The following TOP6BL variants were observed in gnomAD, a reference collection of about 807,000 sequenced individuals.
The protein encoded by TOP6BL is type 2 DNA topoisomerase 6 subunit B-like.
chr11:66,809,707 A>G, the TOP6BL span, among the ~76,000 whole-genome samples: 1 of 152,094 alleles, frequency 6.6e-6, no homozygotes, highest in East Asian at 1.9e-4. Flanking sequence ...AAATTCAGAG[A>G]AATAACTATT....
At chr11:66,830,901 A>G in the TOP6BL span, among the ~76,000 whole-genome samples, 1 of 152,212 alleles carries the variant, frequency 6.6e-6, no homozygotes, top group African/African-American at 2.4e-5. Context: ...CAATATATAA[A>G]GAACTCTTAA....
the TOP6BL span, among the ~76,000 whole-genome samples, chr11:66,839,829 T>C: frequency 6.6e-6 from 1 of 152,218 alleles, no homozygotes; most frequent in South Asian, 2.1e-4. Flanking sequence ...GTACCTTCTG[T>C]GGACCCTGGG....
the TOP6BL span, chr11:66,821,496 C>G: frequency 1.3e-6 from 1 of 753,572 alleles, no homozygotes; most frequent in Non-Finnish European, 2.0e-6. Context: ...ACCGTGGTCT[C>G]GATCTCCTGA....
At chr11:66,843,321 C>A in the TOP6BL span, 4 of 1,527,356 alleles carry the variant, frequency 2.6e-6, no homozygotes, top group Non-Finnish European at 3.5e-6. Context: ...CGCGCGCTCA[C>A]CAAGTCCTCT....
At chr11:66,793,450 T>TG in the TOP6BL span, among the ~76,000 whole-genome samples, 2 of 147,048 alleles carry the variant, frequency 1.4e-5, no homozygotes, top group East Asian at 3.9e-4. Flanking sequence ...TTTTGTTTTT[T>TG]TTTTTTTTTT....
At chr11:66,759,746 G>C in the TOP6BL span, among the ~76,000 whole-genome samples, 1 of 152,226 alleles carries the variant, frequency 6.6e-6, no homozygotes, top group Non-Finnish European at 1.5e-5. Flanking sequence ...GCCACACCCA[G>C]CTAATTTTTT....
chr11:66,755,932 T>C, the TOP6BL span, among the ~76,000 whole-genome samples: 1 of 152,228 alleles, frequency 6.6e-6, no homozygotes, highest in South Asian at 2.1e-4. Flanking sequence ...TAATCCAGTA[T>C]GACCTTGTCT....
chr11:66,825,691 T>C, the TOP6BL span, among the ~76,000 whole-genome samples: 4 of 152,146 alleles, frequency 2.6e-5, no homozygotes, highest in Non-Finnish European at 5.9e-5. Context: ...TCTATAGGAA[T>C]TTGGTATAGC....
the TOP6BL span, among the ~76,000 whole-genome samples, chr11:66,786,934 TTTG>T: frequency 7.1e-6 from 1 of 141,420 alleles, no homozygotes; most frequent in Non-Finnish European, 1.6e-5. Context: ...CAATTTTTGT[TTTG>T]TTTTTTTTTT....
At chr11:66,834,977 G>A in the TOP6BL span, among the ~76,000 whole-genome samples, 1 of 147,850 alleles carries the variant, frequency 6.8e-6, no homozygotes, top group Admixed American at 6.8e-5. Flanking sequence ...AGAATGAGCA[G>A]GAGTAGTATC....
the TOP6BL span, among the ~76,000 whole-genome samples, chr11:66,826,900 C>G: frequency 7.5e-5 from 11 of 147,580 alleles, no homozygotes; most frequent in South Asian, 4.3e-4. Context: ...TCAGGCTGGT[C>G]TCAAACTCCC....
chr11:66,788,781 A>G, the TOP6BL span, among the ~76,000 whole-genome samples: 3 of 152,196 alleles, frequency 2.0e-5, no homozygotes, highest in Non-Finnish European at 4.4e-5. Flanking sequence ...GCTATGTCGC[A>G]CAGTCTGGAG....
At chr11:66,816,473 C>T in the TOP6BL span, among the ~76,000 whole-genome samples, 1 of 152,170 alleles carries the variant, frequency 6.6e-6, no homozygotes, top group Non-Finnish European at 1.5e-5. Context: ...ACGTTAGCCG[C>T]ACAATATATT....
At chr11:66,800,898 T>G in the TOP6BL span, 1 of 1,065,226 alleles carries the variant, frequency 9.4e-7, no homozygotes, top group Non-Finnish European at 1.4e-6. Context: ...AGATTGCCAT[T>G]TTCCCCTTGG....
chr11:66,831,180 C>G, the TOP6BL span, among the ~76,000 whole-genome samples: 1 of 152,164 alleles, frequency 6.6e-6, no homozygotes, highest in Non-Finnish European at 1.5e-5. Flanking sequence ...GGTACAAGCA[C>G]TTCGGAGAAC....
chr11:66,752,722 C>T, the TOP6BL span, among the ~76,000 whole-genome samples: 6 of 152,002 alleles, frequency 3.9e-5, no homozygotes, highest in East Asian at 5.8e-4. Flanking sequence ...CAAAGTGCTG[C>T]GATTACAAGC....
At chr11:66,841,374 C>G in the TOP6BL span, among the ~76,000 whole-genome samples, 1 of 152,040 alleles carries the variant, frequency 6.6e-6, no homozygotes, top group Admixed American at 6.5e-5. Context: ...CCTCGGCCCC[C>G]CAAAGTGCTG....
chr11:66,787,707 A>G, the TOP6BL span, among the ~76,000 whole-genome samples: 1 of 151,024 alleles, frequency 6.6e-6, no homozygotes, highest in African/African-American at 2.4e-5. Context: ...GTGACAGAGT[A>G]AGACTCCGAC....
the TOP6BL span, among the ~76,000 whole-genome samples, chr11:66,751,170 C>G: frequency 6.6e-6 from 1 of 152,048 alleles, no homozygotes; most frequent in Non-Finnish European, 1.5e-5. Flanking sequence ...CATGTGCTAC[C>G]ATGCCTGACT....
Sources: allele counts gnomAD v4.1 joint callset (sites outside exome capture counted in the v4.1 genomes callset), GRCh38; gene constraint gnomAD v4.1.1; transcripts MANE v1.5; gene names NCBI Gene and HGNC (gene_info 2026-07-23, HGNC 2026-07-21).